Variants in ELP3 observed in about 807,000 individuals in gnomAD.
ELP3 encodes elongator complex protein 3.
ELP3 carries 56 observed loss-of-function variants against 74.9 expected under a neutral mutation model. That is an observed-to-expected ratio of 0.75 (90% CI 0.60 to 0.93). ELP3 has a LOEUF of 0.93. Among genes scored for constraint, ELP3 ranks in the 40% least tolerant of loss-of-function variants. ELP3 has a pLI of 0.00. For synonymous variants in ELP3, 222 were observed against 239.8 expected (o/e 0.93, Z 0.68); for missense variants, 573 against 686.5 (o/e 0.83, Z 1.85).
At chr8:28,090,488 T>TGTGTGTGG (rs1259153276), upstream of ELP3, 1 of 176,358 alleles carries the variant, frequency 5.7e-6, no homozygotes, top group Admixed American at 6.3e-5. Flanking sequence ...GGTGGGTGTG[T>TGTGTGTGG]GTGTGTGTGT....
At position 28,131,070 on chromosome 8, in the gene ELP3, C is replaced by G. The variant is rs894303362; in HGVS notation, c.780-1208C>G. The stretch of plus-strand genomic sequence containing the variant: ...GAGAAGAGCAAGTTGGAAGGGAGAT[C>G]AGGTACGAGGCTGTTACAGAAATTA... On this transcript the variant is annotated intron_variant, in intron 8 of 14. Transcript: ENST00000256398. 2.6e-5 allele frequency among the ~76,000 whole-genome samples: 4 copies of G among 152,138 alleles called. No homozygotes were observed. In the East Asian group the frequency reaches 5.8e-4, roughly 22 times the overall value.
chr8:28,138,003 A>G (rs1813062164), intron 10 of ELP3, 112 bp downstream of exon 10: 4 of 997,028 alleles, frequency 4.0e-6, no homozygotes, highest in Non-Finnish European at 4.2e-6. Context: ...TAATGGAAAT[A>G]AGATAACTGG....
intron 10 of ELP3, among the ~76,000 whole-genome samples, chr8:28,143,822 C>G (rs1813333787): frequency 6.6e-6 from 1 of 152,082 alleles, no homozygotes; most frequent in Non-Finnish European, 1.5e-5. Flanking sequence ...AGCATCTTTT[C>G]ATTATTATTA....
chr8:28,114,657 A>T (rs1812053736), intron 7 of ELP3, among the ~76,000 whole-genome samples: 1 of 152,150 alleles, frequency 6.6e-6, no homozygotes, highest in African/African-American at 2.4e-5. Context: ...CACCTCCAAT[A>T]TTGGGGATCA....
chr8:28,181,265 C>G (rs940323892), intron 14 of ELP3, among the ~76,000 whole-genome samples: 1 of 152,194 alleles, frequency 6.6e-6, no homozygotes, highest in Non-Finnish European at 1.5e-5. Flanking sequence ...ACTCACGACT[C>G]TTCTGCCCTG....
intron 9 of ELP3, among the ~76,000 whole-genome samples, chr8:28,136,813 A>G (rs1240561908): frequency 6.6e-6 from 1 of 152,236 alleles, no homozygotes; most frequent in Non-Finnish European, 1.5e-5. Context: ...GTCCACTTTC[A>G]TTTCTCCAAA....
intron 14 of ELP3, among the ~76,000 whole-genome samples, chr8:28,189,128 A>ATACT (rs1418830875): frequency 4.6e-5 from 7 of 152,202 alleles, no homozygotes; most frequent in Admixed American, 4.6e-4. Context: ...TAAGCCTTGT[A>ATACT]TACTTCCAAC....
At chr8:28,130,985 A>G (rs1812765817) in intron 8 of ELP3, among the ~76,000 whole-genome samples, 1 of 152,242 alleles carries the variant, frequency 6.6e-6, no homozygotes, top group Admixed American at 6.5e-5. Flanking sequence ...GCATAAAGCT[A>G]CAATGTGATG....
At chr8:28,120,155 C>G (rs1306853757) in intron 7 of ELP3, among the ~76,000 whole-genome samples, 4 of 152,060 alleles carry the variant, frequency 2.6e-5, no homozygotes, top group Non-Finnish European at 4.4e-5. Flanking sequence ...TACAAGAAAC[C>G]GCCAGTCATT....
At position 28,113,184 on chromosome 8, in the gene ELP3, C is replaced by T; in HGVS notation, c.617+11C>T. On this transcript the variant is annotated intron_variant, in intron 7 of 14. Coordinates refer to ENST00000256398, the MANE Select transcript of ELP3 (RefSeq NM_018091.6). Reference sequence around the variant, plus strand: ...TTACGAGGCAGTCAAGTAAGAAATTCTTATTTTATCATAGTCTCCAGAGTG... The same window carrying T: ...TTACGAGGCAGTCAAGTAAGAAATTTTTATTTTATCATAGTCTCCAGAGTG... 6.2e-7 allele frequency: 1 copy of T among 1,609,968 alleles called. No individual in the cohort carries two copies. The highest frequency in any genetic ancestry group is 2.2e-5 in the East Asian group (1 of 44,752).
At chr8:28,176,791 A>G (rs1293085210) in intron 14 of ELP3, among the ~76,000 whole-genome samples, 1 of 152,160 alleles carries the variant, frequency 6.6e-6, no homozygotes, top group Non-Finnish European at 1.5e-5. Flanking sequence ...GAGACACACT[A>G]ATGATTTTTG....
In ELP3 at chr8:28,093,182, T is replaced by G; in HGVS notation, c.-33T>G. ...TGGTCTGAGTTTGTGGCTGCATTTT[T>G]ATCTCTGGTGGCTCTGCTACGGCGG... On this transcript the variant is annotated 5_prime_UTR_variant, in exon 1 of 15. Transcript: ENST00000256398. 4 of 1,611,598 alleles carry G rather than the reference T, an allele frequency of 2.5e-6. No individual in the cohort carries two copies. The highest frequency in any genetic ancestry group is 3.4e-6 in the Non-Finnish European group (4 of 1,179,514).
At chr8:28,180,469 C>T (rs1035708420) in intron 14 of ELP3, among the ~76,000 whole-genome samples, 7 of 152,102 alleles carry the variant, frequency 4.6e-5, no homozygotes, top group Non-Finnish European at 2.9e-5. Flanking sequence ...TCTGTAATGT[C>T]ATCTTTTAAT....
At chr8:28,111,509 T>C (rs1364709145) in intron 6 of ELP3, among the ~76,000 whole-genome samples, 6 of 152,190 alleles carry the variant, frequency 3.9e-5, no homozygotes, top group East Asian at 1.9e-4. Context: ...TATTGGCTTA[T>C]TGGTGAATAC....
In ELP3 at chr8:28,160,276, A is replaced by T; in HGVS notation, c.1305A>T (p.Thr435=). The part of the protein sequence containing the change: ...RDYVANGGWE[T]FLSYEDPDQD... The stretch of plus-strand genomic sequence containing the variant: ...ATGTTGCAAATGGTGGCTGGGAAAC[A>T]TTCTTGTCATACGAAGACCCAGATC... The change falls in exon 13 of 15, where the codon ACA becomes ACT. Residue 435 remains threonine, a synonymous_variant. Coordinates refer to ENST00000256398, the MANE Select transcript of ELP3 (RefSeq NM_018091.6). The T allele has an allele frequency of 1.2e-6, 2 of 1,614,192 alleles. No individual in the cohort carries two copies. The highest frequency in any genetic ancestry group is 8.5e-7 in the Non-Finnish European group (1 of 1,180,026).
chr8:28,183,177 T>C (rs993014220), intron 14 of ELP3: 2 of 457,166 alleles, frequency 4.4e-6, no homozygotes, highest in African/African-American at 4.0e-5. Context: ...AACAGGCTTG[T>C]TTTCTTCTCC....
intron 14 of ELP3, among the ~76,000 whole-genome samples, chr8:28,187,070 A>G (rs544696551): frequency 2.6e-5 from 4 of 152,234 alleles, no homozygotes; most frequent in South Asian, 2.1e-4. Flanking sequence ...CCTCACTCCC[A>G]GGCAGTGGTG....
At chr8:28,150,133 T>A (rs563010449) in intron 10 of ELP3, among the ~76,000 whole-genome samples, 98 of 152,332 alleles carry the variant, frequency 6.4e-4, no homozygotes, top group Admixed American at 1.9e-3. Flanking sequence ...TTCATTTCAC[T>A]TAAATACATG....
chr8:28,104,813 A>AT (rs2130370284), intron 3 of ELP3, among the ~76,000 whole-genome samples: 1 of 152,140 alleles, frequency 6.6e-6, no homozygotes, highest in South Asian at 2.1e-4. Context: ...CTGTCAAGTT[A>AT]TTTTTTTCCA....
Sources: allele counts gnomAD v4.1 joint callset (sites outside exome capture counted in the v4.1 genomes callset), GRCh38; gene constraint gnomAD v4.1.1; transcripts MANE v1.5; gene names NCBI Gene and HGNC (gene_info 2026-07-23, HGNC 2026-07-21).